NF1: variants seen among roughly 807,000 people sequenced by gnomAD.
NF1 encodes the protein neurofibromin.
Under a neutral mutation model 325.7 loss-of-function variants are expected in NF1, and 122 were observed. That is an observed-to-expected ratio of 0.37 (90% CI 0.32 to 0.44). NF1 has a LOEUF of 0.44. NF1 is among the 20% of genes least tolerant of loss of function. NF1 has a pLI of 1.00. For missense variants in NF1, 2,140 were observed against 3,415.4 expected, an observed-to-expected ratio of 0.63 and a Z score of 9.31; for synonymous variants, 1,091 against 1,186.0, an observed-to-expected ratio of 0.92 and a Z score of 1.65.
At position 31,326,004 on chromosome 17, in the gene NF1, G is replaced by A. The variant is rs1555533342; in HGVS notation, c.5020G>A (p.Val1674Ile). 2.5e-6 allele frequency: 4 copies of A among 1,614,138 alleles called. No individual in the cohort carries two copies. The highest frequency in any genetic ancestry group is 2.2e-5 in the East Asian group (1 of 44,880). Reference protein sequence around the residue: ...VVFPGFAYDNVSAVYIYNCNS... With the variant: ...VVFPGFAYDNISAVYIYNCNS... ...TTTTCCTGGCTTTGCTTACGACAAC[G>A]TCTCCGCAGTCTATATCTATAACTG... Residue 1674 changes from valine to isoleucine, a missense_variant, in exon 37 of 58, where the codon GTC becomes ATC. Around this residue, in one of 10 missense-constraint regions of NF1, gnomAD observed 103 missense variants for 214.6 expected, o/e 0.48. Transcript: ENST00000358273.
At chr17:31,331,904 T>TAAAAAAAAAAAAAAAAAAAA (rs755592420) in intron 39 of NF1, 4 of 42,866 alleles carry the variant, frequency 9.3e-5, no homozygotes, top group Admixed American at 3.3e-4. Context: ...CCTTCTCTAT[T>TAAAAAAAAAAAAAAAAAAAA]AAAAAAAAAA....
chr17:31,221,133 A>G (rs2066913925), intron 14 of NF1, among the ~76,000 whole-genome samples: 1 of 152,110 alleles, frequency 6.6e-6, no homozygotes, highest in African/African-American at 2.4e-5. Context: ...TTGGGATTGT[A>G]GAATTGGAGT....
At chr17:31,269,919 A>C (rs1014156891) in intron 36 of NF1, among the ~76,000 whole-genome samples, 2 of 152,246 alleles carry the variant, frequency 1.3e-5, no homozygotes, top group East Asian at 1.9e-4. Context: ...ATGCAGTGGT[A>C]AAGCCAGCCC....
intron 36 of NF1, chr17:31,295,194 G>T: frequency 6.2e-7 from 1 of 1,614,128 alleles, no homozygotes; most frequent in Non-Finnish European, 8.5e-7. Flanking sequence ...GTGATACTTA[G>T]GGTCATGGGT....
intron 4 of NF1, among the ~76,000 whole-genome samples, chr17:31,166,371 A>G (rs2065844832): frequency 6.6e-6 from 1 of 152,116 alleles, no homozygotes; most frequent in African/African-American, 2.4e-5. Flanking sequence ...TGATTCATTC[A>G]TAGTGAATTG....
At chr17:31,137,441 T>G in intron 1 of NF1, 1 of 152,228 alleles carries the variant, frequency 6.6e-6, no homozygotes, top group East Asian at 1.9e-4. Flanking sequence ...TCAGTTTTTA[T>G]GTAGCTATTG....
At chr17:31,307,625 T>C (rs763974014) in intron 36 of NF1, among the ~76,000 whole-genome samples, 5 of 152,180 alleles carry the variant, frequency 3.3e-5, no homozygotes, top group African/African-American at 1.2e-4. Context: ...TGCTTAACCT[T>C]TCCTGTTCTC....
In NF1 at chr17:31,219,000, T is replaced by C; in HGVS notation, c.1528-5T>C. 2.5e-6 allele frequency: 4 copies of C among 1,611,034 alleles called. No individual in the cohort carries two copies. Among genetic ancestry groups the C allele is most frequent in the Non-Finnish European group, 3.4e-6 (4 of 1,178,160 alleles). ...TTAATTGAAGTTTCCTTTTTTTCCT[T>C]GCAGAATCCAAGAAAACAGGGGCCC... On this transcript the variant is annotated splice_region_variant and splice_polypyrimidine_tract_variant and intron_variant, in intron 13 of 57. Transcript: ENST00000358273.
chr17:31,166,403 C>T (rs1232213016), intron 4 of NF1, among the ~76,000 whole-genome samples: 1 of 151,778 alleles, frequency 6.6e-6, no homozygotes, highest in East Asian at 1.9e-4. Flanking sequence ...TTTTGGAATC[C>T]TTGATTGCAA....
chr17:31,330,204 GT>G (rs2069445356), intron 38 of NF1, 91 bp from the exon 39 acceptor site: 4 of 1,056,446 alleles, frequency 3.8e-6, no homozygotes, highest in Non-Finnish European at 5.9e-6. Flanking sequence ...ATCATACTTT[GT>G]AACAGAATCA....
intron 1 of NF1, among the ~76,000 whole-genome samples, chr17:31,103,901 G>T (rs1912610784): frequency 1.3e-5 from 2 of 152,078 alleles, no homozygotes; most frequent in Non-Finnish European, 2.9e-5. Flanking sequence ...GCCAAGTGTG[G>T]TAGTATATGC....
At chr17:31,186,572 A>T (rs1307406330) in intron 8 of NF1, among the ~76,000 whole-genome samples, 3 of 152,224 alleles carry the variant, frequency 2.0e-5, no homozygotes, top group African/African-American at 7.2e-5. Context: ...AAAATTGGTG[A>T]CAAAGAGATT....
chr17:31,334,815 G>T (rs2151550141), intron 39 of NF1, 23 bp from the exon 40 acceptor site: 3 of 1,567,762 alleles, frequency 1.9e-6, no homozygotes, highest in Non-Finnish European at 2.6e-6. Flanking sequence ...ACCATCACAT[G>T]CTAATAGTGT....
At chr17:31,323,137 C>T (rs1157349581) in intron 36 of NF1, among the ~76,000 whole-genome samples, 1 of 152,150 alleles carries the variant, frequency 6.6e-6, no homozygotes, top group African/African-American at 2.4e-5. Context: ...TGGCTCACAC[C>T]TGTAATCTCA....
chr17:31,194,161 G>A (rs1421570289), intron 8 of NF1, among the ~76,000 whole-genome samples: 4 of 152,030 alleles, frequency 2.6e-5, no homozygotes, highest in South Asian at 2.1e-4. Flanking sequence ...AGATGAATGC[G>A]TAAAGAAAAT....
intron 35 of NF1, among the ~76,000 whole-genome samples, chr17:31,264,382 G>A (rs2067749113): frequency 6.6e-6 from 1 of 150,604 alleles, no homozygotes; most frequent in South Asian, 2.1e-4. Context: ...CTGCACTCCA[G>A]CCTGGTCAAC....
intron 47 of NF1, among the ~76,000 whole-genome samples, chr17:31,342,145 T>G (rs907560036): frequency 6.6e-6 from 1 of 152,130 alleles, no homozygotes; most frequent in Non-Finnish European, 1.5e-5. Flanking sequence ...ATTTTGCAAA[T>G]TAGAAAGGAA....
At chr17:31,263,035 ATAGGTAGG>A (rs71142037) in intron 35 of NF1, among the ~76,000 whole-genome samples, 16 of 37,558 alleles carry the variant, frequency 4.3e-4, no homozygotes, top group South Asian at 2.2e-3. Flanking sequence ...AGATAGATAG[ATAGGTAGG>A]TAGGTAGGTA....
intron 1 of NF1, among the ~76,000 whole-genome samples, chr17:31,123,555 G>A (rs1914615683): frequency 6.6e-6 from 1 of 152,098 alleles, no homozygotes; most frequent in Admixed American, 6.6e-5. Flanking sequence ...CTAGTGTTGG[G>A]ATTACAGGCA....
Sources: allele counts gnomAD v4.1 joint callset (sites outside exome capture counted in the v4.1 genomes callset), GRCh38; gene constraint gnomAD v4.1.1; regional missense constraint gnomAD v4.1.1; transcripts MANE v1.5; gene names NCBI Gene and HGNC (gene_info 2026-07-23, HGNC 2026-07-21).